The following ACAD11 variants were observed in gnomAD, a reference collection of about 807,000 sequenced individuals.
The protein encoded by ACAD11 is acyl-CoA dehydrogenase family member 11.
Under a neutral mutation model 102.2 loss-of-function variants are expected in ACAD11, and 83 were observed. That is an observed-to-expected ratio of 0.81 (90% CI 0.68 to 0.97). ACAD11 has a LOEUF of 0.97. ACAD11 is among the 50% of genes least tolerant of loss of function. The pLI is 0.00. For missense variants in ACAD11, 901 were observed against 951.7 expected, an observed-to-expected ratio of 0.95 and a Z score of 0.70; for synonymous variants, 324 against 319.8, an observed-to-expected ratio of 1.01 and a Z score of -0.14.
intron 17 of ACAD11, among the ~76,000 whole-genome samples, chr3:132,573,789 C>T (rs1180029524): frequency 1.3e-5 from 2 of 152,186 alleles, no homozygotes; most frequent in African/African-American, 4.8e-5. Flanking sequence ...AAACTAGGTG[C>T]TCTAGGGAAC....
intron 17 of ACAD11, among the ~76,000 whole-genome samples, chr3:132,561,900 G>C (rs1937069716): frequency 6.6e-6 from 1 of 152,134 alleles, no homozygotes; most frequent in African/African-American, 2.4e-5. Context: ...TTTCCAGAAT[G>C]TCATGTAAAT....
At chr3:132,584,799 A>T (rs1270910130) in intron 13 of ACAD11, among the ~76,000 whole-genome samples, 1 of 152,152 alleles carries the variant, frequency 6.6e-6, no homozygotes, top group African/African-American at 2.4e-5. Flanking sequence ...GACGTGAAGG[A>T]CCTATTCAAG....
At chr3:132,651,526 GT>G (rs1241336077) in intron 1 of ACAD11, among the ~76,000 whole-genome samples, 1 of 152,150 alleles carries the variant, frequency 6.6e-6, no homozygotes, top group African/African-American at 2.4e-5. Context: ...AATAATCCTA[GT>G]TTCTAAACAT....
chr3:132,564,527 T>C (rs1937154871), intron 17 of ACAD11, among the ~76,000 whole-genome samples: 1 of 152,184 alleles, frequency 6.6e-6, no homozygotes, highest in East Asian at 1.9e-4. Flanking sequence ...GTCTACTTCA[T>C]CTAAATTGTT....
intron 11 of ACAD11, among the ~76,000 whole-genome samples, chr3:132,605,598 G>A (rs1938805480): frequency 6.6e-6 from 1 of 152,182 alleles, no homozygotes; most frequent in African/African-American, 2.4e-5. Flanking sequence ...ATGTCCTACT[G>A]AGACTCCAGC....
At position 132,566,162 on chromosome 3, in the gene ACAD11, A is replaced by C. The variant is rs575076122; in HGVS notation, c.2002-4945T>G. Among the ~76,000 whole-genome samples, 4 of 152,264 alleles carry C rather than the reference A, an allele frequency of 2.6e-5. No individual in the cohort carries two copies. In the Middle Eastern group the frequency reaches 0.014, roughly 518 times the overall value. ...CAAATGGGTATTTTATAAGTAAAAA[A>C]TATAACAGTTCAAATAAAAAGCTCA... On this transcript the variant is annotated intron_variant, in intron 17 of 19. Coordinates refer to ENST00000264990, the MANE Select transcript of ACAD11 (RefSeq NM_032169.5).
chr3:132,621,927 C>G (rs985705183), intron 9 of ACAD11, among the ~76,000 whole-genome samples: 1 of 148,270 alleles, frequency 6.7e-6, no homozygotes, highest in African/African-American at 2.5e-5. Flanking sequence ...TGCAGTGAGC[C>G]GAGATTGCCC....
intron 1 of ACAD11, among the ~76,000 whole-genome samples, chr3:132,650,620 A>G (rs1940894517): frequency 6.6e-6 from 1 of 152,218 alleles, no homozygotes; most frequent in African/African-American, 2.4e-5. Flanking sequence ...GGTAGAAAGT[A>G]CAATTCATGA....
At chr3:132,648,684 G>T (rs572052135) in intron 1 of ACAD11, 1 of 152,206 alleles carries the variant, frequency 6.6e-6, no homozygotes, top group Admixed American at 6.5e-5. Flanking sequence ...TTTTCCTTTG[G>T]TGGAAATCAT....
At chr3:132,611,423 G>T (rs111910466) in intron 11 of ACAD11, among the ~76,000 whole-genome samples, 3,258 of 152,170 alleles carry the variant, frequency 0.021, 56 homozygotes, top group South Asian at 0.072. Context: ...AGGAAAAGAG[G>T]AAGTCAAATT....
chr3:132,568,169 G>T (rs1937266688), intron 17 of ACAD11, among the ~76,000 whole-genome samples: 1 of 152,166 alleles, frequency 6.6e-6, no homozygotes, highest in Non-Finnish European at 1.5e-5. Context: ...GGAGACCGCA[G>T]TGAGCCAAGA....
chr3:132,642,094 G>A lies in ACAD11; in HGVS notation c.415C>T (p.Pro139Ser). Residue 139 changes from proline to serine, a missense_variant, in exon 4 of 20, where the codon CCA (proline) becomes TCA (serine). By Grantham distance (74) the Pro-to-Ser change is moderately conservative. Transcript: ENST00000264990. ...ACATATATGGCTGAACGTTCTGCTG[G>A]GCTAAGTCCAGGAATTGTTAAATCA... ...FRDLTIPGLS[P>S]AERSAIYVAT... 1 of 1,613,974 alleles carries A rather than the reference G, an allele frequency of 6.2e-7. No individual in the cohort carries two copies. The highest frequency in any genetic ancestry group is 8.5e-7 in the Non-Finnish European group (1 of 1,179,930).
chr3:132,592,842 AAAAAAATCC>A (rs1292007323), intron 13 of ACAD11, among the ~76,000 whole-genome samples: 1 of 152,170 alleles, frequency 6.6e-6, no homozygotes, highest in Non-Finnish European at 1.5e-5. Context: ...CAGTTAAAGA[AAAAAAATCC>A]CATGTGTTCT....
At chr3:132,633,866 G>A (rs1427952163) in intron 5 of ACAD11, among the ~76,000 whole-genome samples, 1 of 152,048 alleles carries the variant, frequency 6.6e-6, no homozygotes, top group Non-Finnish European at 1.5e-5. Context: ...GTAGAAAGCT[G>A]AAACTGGATC....
At chr3:132,577,459 G>A (rs1212797131) in intron 15 of ACAD11, among the ~76,000 whole-genome samples, 1 of 152,068 alleles carries the variant, frequency 6.6e-6, no homozygotes, top group Non-Finnish European at 1.5e-5. Flanking sequence ...GGAAACCAAC[G>A]CCTAAAGATG....
intron 11 of ACAD11, among the ~76,000 whole-genome samples, chr3:132,615,380 G>A (rs981676287): frequency 6.6e-6 from 1 of 152,198 alleles, no homozygotes; most frequent in Non-Finnish European, 1.5e-5. Context: ...GCACATGTAT[G>A]TTTATTGCAG....
At position 132,626,812 on chromosome 3, in the gene ACAD11, A is replaced by G; in HGVS notation, c.1076T>C (p.Phe359Ser). The change falls in exon 9 of 20, where the codon TTC (phenylalanine) becomes TCC (serine). Residue 359 changes from phenylalanine to serine, a missense_variant. Physicochemically the swap from Phe to Ser is radical, Grantham distance 155. Transcript: ENST00000264990. ...ETGLQLSKRTFSTVLPQIDTT... is the reference protein window; with the variant it reads ...ETGLQLSKRTSSTVLPQIDTT... Reference sequence around the variant, plus strand: ...ATCAATCTGTGGTAGTACAGTACTGAAAGTTCTTTGCCAAAAGAAAAAAGG... The same window carrying G: ...ATCAATCTGTGGTAGTACAGTACTGGAAGTTCTTTGCCAAAAGAAAAAAGG... 1 of 1,602,938 alleles carries G rather than the reference A, an allele frequency of 6.2e-7. No individual in the cohort carries two copies. The highest frequency in any genetic ancestry group is 1.1e-5 in the South Asian group (1 of 87,828).
rs757114873 is a variant in ACAD11 at position 132,639,610 on chromosome 3, A to T, written c.584T>A (p.Ile195Asn). Residue 195 changes from isoleucine (I) to asparagine (N), a missense_variant, in exon 5 of 20, where the codon ATC (isoleucine) becomes AAC (asparagine). Transcript: ENST00000264990. ...CTCCGATAGCTGTTGCATGGCAGGG[A>T]TGTCCTGATGAGCTGCAGCTTGATA... is the stretch of plus-strand genomic sequence containing the variant. ...KQYQAAAHQD[I>N]PAMQQLSEWL... 2 of 1,613,546 alleles carry T rather than the reference A, an allele frequency of 1.2e-6. No homozygotes were observed. Among genetic ancestry groups the T allele is most frequent in the African/African-American group, 2.7e-5 (2 of 74,910 alleles).
intron 17 of ACAD11, among the ~76,000 whole-genome samples, chr3:132,573,652 TA>T (rs1488546339): frequency 6.6e-6 from 1 of 152,230 alleles, no homozygotes; most frequent in East Asian, 1.9e-4. Flanking sequence ...TAAAACAGGA[TA>T]ATTACAACTT....
Sources: gnomAD v4.1 joint callset for allele counts (sites outside exome capture counted in the v4.1 genomes callset) on GRCh38, gnomAD v4.1.1 for gene constraint, MANE v1.5 for transcripts, NCBI Gene and HGNC (gene_info 2026-07-23, HGNC 2026-07-21) for gene names.